ZC3H14: variants seen among roughly 807,000 people sequenced by gnomAD.
ZC3H14 encodes the protein zinc finger CCCH domain-containing protein 14.
Under a neutral mutation model 92.4 loss-of-function variants are expected in ZC3H14, and 31 were observed. The observed-to-expected ratio is 0.34, with a 90% confidence interval of 0.25 to 0.45. The LOEUF (loss-of-function observed/expected upper bound fraction) is 0.45. Among genes scored for constraint, ZC3H14 ranks in the 20% least tolerant of loss-of-function variants. The pLI is 1.00. For missense variants in ZC3H14, 781 were observed against 897.3 expected (o/e 0.87, Z 1.66); for synonymous variants, 321 against 300.9 (o/e 1.07, Z -0.69).
In ZC3H14 at chr14:88,621,808, C is replaced by T. The variant is rs2089004806; in HGVS notation, c.*10057C>T. ...ATTTTGAAATTGACACATAATTATA[C>T]ATATCTATAGGGCATAGGGTAATAC... On this transcript the variant is annotated 3_prime_UTR_variant, in exon 17 of 17. Coordinates refer to ENST00000251038, the MANE Select transcript of ZC3H14 (RefSeq NM_024824.5). 1 of 418,618 alleles carries T rather than the reference C, an allele frequency of 2.4e-6. No individual in the cohort carries two copies. Among genetic ancestry groups the T allele is most frequent in the Non-Finnish European group, 4.7e-6 (1 of 210,974 alleles). 25.9% of individuals were successfully genotyped at this position (418,618 alleles called of 1,614,324 possible). A position where few individuals can be genotyped will look rare whatever the true frequency, so the allele number is the denominator to read the frequency against.
chr14:88,596,914 A>T (rs1336912369), intron 10 of ZC3H14, 106 bp downstream of exon 10: 1 of 931,174 alleles, frequency 1.1e-6, no homozygotes, highest in African/African-American at 1.6e-5. Context: ...CTGCCCTAAG[A>T]TGTTATATTT....
intron 5 of ZC3H14, 50 bp from the exon 6 acceptor site, chr14:88,572,528 G>A: frequency 6.2e-7 from 1 of 1,602,458 alleles, no homozygotes; most frequent in South Asian, 1.1e-5. Flanking sequence ...AAGATTTGGT[G>A]ATAATTGCCC....
At position 88,574,680 on chromosome 14, in the gene ZC3H14, T is replaced by C; in HGVS notation, c.862-13T>C. On this transcript the variant is annotated splice_polypyrimidine_tract_variant and intron_variant, in intron 6 of 16. Transcript: ENST00000251038. ...TCTGAGATTAGGTAAGCATAAATTT[T>C]ATCTGATTGCAGGATGAAAACTTTC... 1 of 1,614,088 alleles carries C rather than the reference T, an allele frequency of 6.2e-7. No individual in the cohort carries two copies. The highest frequency in any genetic ancestry group is 1.1e-5 in the South Asian group (1 of 91,062).
rs2140059318 is a variant in ZC3H14, at chr14:88,601,948, T to C, written c.1379T>C (p.Val460Ala). Reference protein sequence around the residue: ...SQDYYDMESMVHADTRSFILK... With the variant: ...SQDYYDMESMAHADTRSFILK... The stretch of plus-strand genomic sequence containing the variant: ...GATTACTATGACATGGAATCCATGG[T>C]CCATGCAGACACAAGATCATTTATT... Residue 460 changes from valine (V) to alanine (A), a missense_variant, in exon 11 of 17, where the codon GTC becomes GCC. Physicochemically the swap from Val to Ala is moderately conservative, Grantham distance 64. This residue lies in a region of ZC3H14 where 454 missense variants were observed against 438.5 expected (regional missense o/e 1.04). Coordinates refer to ENST00000251038, the MANE Select transcript of ZC3H14 (RefSeq NM_024824.5). 6.2e-7 allele frequency: 1 copy of C among 1,614,134 alleles called. No individual in the cohort carries two copies. The highest frequency in any genetic ancestry group is 2.2e-5 in the East Asian group (1 of 44,886).
chr14:88,610,007 GCAC>G (rs1234965350), intron 15 of ZC3H14, among the ~76,000 whole-genome samples: 4 of 152,174 alleles, frequency 2.6e-5, no homozygotes, highest in African/African-American at 7.2e-5. Flanking sequence ...AGTATCCCAA[GCAC>G]TCAGTGGGGG....
intron 10 of ZC3H14, among the ~76,000 whole-genome samples, chr14:88,597,178 T>C (rs1257797806): frequency 6.6e-6 from 1 of 152,100 alleles, no homozygotes; most frequent in Non-Finnish European, 1.5e-5. Flanking sequence ...GTTAGCCTTA[T>C]CCTCTTGTAC....
intron 9 of ZC3H14, among the ~76,000 whole-genome samples, chr14:88,581,580 AAAAC>A (rs935828528): frequency 1.3e-5 from 2 of 152,074 alleles, no homozygotes; most frequent in Non-Finnish European, 2.9e-5. Flanking sequence ...TAAAAATAAA[AAAAC>A]AAAGAACTAG....
chr14:88,602,348 A>G (rs1333752052), intron 11 of ZC3H14, among the ~76,000 whole-genome samples: 1 of 152,218 alleles, frequency 6.6e-6, no homozygotes, highest in Non-Finnish European at 1.5e-5. Context: ...ATGCAAATTC[A>G]GGAAATGCAA....
rs1354064748 is a variant in ZC3H14 at position 88,612,260 on chromosome 14, T to TTAA, written c.*511_*513dup. Reference sequence around the variant, plus strand: ...TGCTTAAAATATTCAATTCTGCTTTTTAATTTTTAAGTGAATTTAGTTTGA... The same window carrying TTAA: ...TGCTTAAAATATTCAATTCTGCTTTTTAATAATTTTTAAGTGAATTTAGTTTGA... On this transcript the variant is annotated 3_prime_UTR_variant, in exon 17 of 17. Coordinates refer to ENST00000251038, the MANE Select transcript of ZC3H14 (RefSeq NM_024824.5). 2 of 154,320 alleles carry TTAA rather than the reference T, an allele frequency of 1.3e-5. No individual in the cohort carries two copies. The highest frequency in any genetic ancestry group is 4.8e-5 in the African/African-American group (2 of 41,460). 9.6% of individuals were successfully genotyped at this position (154,320 alleles called of 1,614,324 possible).
chr14:88,611,072 TAGA>T, intron 16 of ZC3H14, 132 bp downstream of exon 16: 1 of 881,500 alleles, frequency 1.1e-6, no homozygotes. Flanking sequence ...TGTTTAATTA[TAGA>T]AGGCTCCTTT....
At position 88,615,825 on chromosome 14, in the gene ZC3H14, G is replaced by T. The variant is rs886850775; in HGVS notation, c.*4074G>T. ...TAGTCATCTCAGCATCTCTCAGTGAGGTGTATGTACACATTTCCAGACAAA... is the reference window on the plus strand; with the variant it reads ...TAGTCATCTCAGCATCTCTCAGTGATGTGTATGTACACATTTCCAGACAAA... On this transcript the variant is annotated 3_prime_UTR_variant, in exon 17 of 17. Transcript: ENST00000251038. 1.2e-6 allele frequency: 2 copies of T among 1,611,748 alleles called. No individual in the cohort carries two copies. The highest frequency in any genetic ancestry group is 1.3e-5 in the African/African-American group (1 of 75,012).
chr14:88,571,071 T>G lies in ZC3H14; in HGVS notation c.195-13T>G. The G allele has an allele frequency of 6.5e-7, 1 of 1,532,866 alleles. No individual in the cohort carries two copies. Among genetic ancestry groups the G allele is most frequent in the East Asian group, 2.3e-5 (1 of 42,588 alleles). 95.0% of individuals were successfully genotyped at this position (1,532,866 alleles called of 1,614,324 possible). ...ACAGAAGGTTTATTTTTGTTTTTTG[T>G]TTTTTTCCTCAGGCTTCATGGTGTA... On this transcript the variant is annotated splice_polypyrimidine_tract_variant and intron_variant, in intron 3 of 16. Coordinates refer to ENST00000251038, the MANE Select transcript of ZC3H14 (RefSeq NM_024824.5).
chr14:88,584,719 G>C (rs1195639167), intron 9 of ZC3H14, among the ~76,000 whole-genome samples: 1 of 152,098 alleles, frequency 6.6e-6, no homozygotes, highest in Non-Finnish European at 1.5e-5. Context: ...AGGTGATCTC[G>C]CAGTTCTTGC....
In ZC3H14 at chr14:88,625,098, A is replaced by G; in HGVS notation, c.*13347A>G. The stretch of plus-strand genomic sequence containing the variant: ...GATCTTTCCACACACAGACATCACC[A>G]CTGATGGTACCTGTAAACGTCAAGT... On this transcript the variant is annotated 3_prime_UTR_variant, in exon 17 of 17. Transcript: ENST00000251038. The G allele has an allele frequency of 6.2e-7, 1 of 1,613,928 alleles. No individual in the cohort carries two copies. Among genetic ancestry groups the G allele is most frequent in the Non-Finnish European group, 8.5e-7 (1 of 1,179,854 alleles).
intron 9 of ZC3H14, among the ~76,000 whole-genome samples, chr14:88,588,982 C>G (rs1055823498): frequency 6.6e-6 from 1 of 152,164 alleles, no homozygotes; most frequent in East Asian, 1.9e-4. Context: ...GTCTGAAGAT[C>G]CTAATTAAAG....
chr14:88,626,741 C>A lies in ZC3H14; in HGVS notation c.*14990C>A. 1 of 1,213,236 alleles carries A rather than the reference C, an allele frequency of 8.2e-7. No homozygotes were observed. The highest frequency in any genetic ancestry group is 1.2e-6 in the Non-Finnish European group (1 of 855,554). The allele number at this position is 1,213,236 out of a possible 1,614,324, so 75.2% of individuals were successfully genotyped here. A position where few individuals can be genotyped will look rare whatever the true frequency, so the allele number is the denominator to read the frequency against. ...CCAGGGCATGTAATGATTAGCAGAT[C>A]ACAGTATCATCTCAACAACATTCAT... is the stretch of plus-strand genomic sequence containing the variant. On this transcript the variant is annotated 3_prime_UTR_variant, in exon 17 of 17. Transcript: ENST00000251038.
At chr14:88,606,603 C>T (rs146229597) in intron 12 of ZC3H14, among the ~76,000 whole-genome samples, 399 of 152,122 alleles carry the variant, frequency 2.6e-3, no homozygotes, top group Non-Finnish European at 4.9e-3. Flanking sequence ...AACCCTGTAG[C>T]CAGGCGTGGT....
At chr14:88,567,790 G>T (rs1258542744) in intron 2 of ZC3H14, 1 of 522,984 alleles carries the variant, frequency 1.9e-6, no homozygotes, top group Non-Finnish European at 3.6e-6. Flanking sequence ...GCATGCTCAA[G>T]TTTGACCCTA....
At chr14:88,564,412 A>G (rs1395178129) in intron 2 of ZC3H14, among the ~76,000 whole-genome samples, 1 of 152,220 alleles carries the variant, frequency 6.6e-6, no homozygotes, top group Non-Finnish European at 1.5e-5. Context: ...TTGACTGTGT[A>G]AACAAGGAAA....
Sources: gnomAD v4.1 joint callset for allele counts (sites outside exome capture counted in the v4.1 genomes callset) on GRCh38, gnomAD v4.1.1 for gene constraint, gnomAD v4.1.1 regional missense constraint, MANE v1.5 for transcripts, NCBI Gene and HGNC (gene_info 2026-07-23, HGNC 2026-07-21) for gene names.